Variants in LAMA1 observed in about 807,000 individuals in gnomAD.
The protein encoded by LAMA1 is laminin subunit alpha-1.
LAMA1 carries 219 observed loss-of-function variants against 348.7 expected under a neutral mutation model. That is an observed-to-expected ratio of 0.63 (90% CI 0.56 to 0.70). The LOEUF (loss-of-function observed/expected upper bound fraction) is 0.70. Ranked by LOEUF, LAMA1 falls within the 30% of genes least tolerant of loss-of-function variation. LAMA1 has a pLI of 0.00. For missense variants in LAMA1, 3,744 were observed against 3,888.0 expected, an observed-to-expected ratio of 0.96 and a Z score of 0.99; for synonymous variants, 1,487 against 1,491.0, an observed-to-expected ratio of 1.00 and a Z score of 0.06.
rs2057691445 is a variant in LAMA1 at position 6,978,178 on chromosome 18, G to A, written c.6190+18C>T. ...ATGACGCAGACGATCATGACTGGAA[G>A]GAAGGGCGCTGACATACTGGCCATG... On this transcript the variant is annotated intron_variant, in intron 43 of 62. Coordinates refer to ENST00000389658, the MANE Select transcript of LAMA1 (RefSeq NM_005559.4). The A allele has an allele frequency of 6.2e-7, 1 of 1,614,062 alleles. No homozygotes were observed. The highest frequency in any genetic ancestry group is 1.1e-5 in the South Asian group (1 of 91,090).
Position 6,978,354 on chromosome 18 carries a change from G to C in LAMA1, c.6032C>G (p.Thr2011Ser). Residue 2011 changes from threonine to serine, a missense_variant, in exon 43 of 63, where the codon ACC becomes AGC. Transcript: ENST00000389658. ...PKGIRDKGAKTKELATSASQS... is the reference protein window; with the variant it reads ...PKGIRDKGAKSKELATSASQS... ...GCTTGCAGACGTGGCCAGCTCTTTG[G>C]TTTTGGCTCCCTTGTCTCTTATACC... 2.5e-6 allele frequency: 4 copies of C among 1,613,992 alleles called. No homozygotes were observed. Among genetic ancestry groups the C allele is most frequent in the Non-Finnish European group, 3.4e-6 (4 of 1,180,002 alleles).
intron 1 of LAMA1, among the ~76,000 whole-genome samples, chr18:7,085,488 C>T (rs112640388): frequency 0.044 from 6,481 of 146,864 alleles, 366 homozygotes; most frequent in African/African-American, 0.13. Context: ...GCACGATCTC[C>T]GCTCACTGCA....
At position 7,016,523 on chromosome 18, in the gene LAMA1, C is replaced by G. The variant is rs1395502608; in HGVS notation, c.2957G>C (p.Gly986Ala). ...GCTACCATCCTGGTAGGCGTAGAAGCCATGGGCACACCTGTCACACCTTTT... is the reference window on the plus strand; with the variant it reads ...GCTACCATCCTGGTAGGCGTAGAAGGCATGGGCACACCTGTCACACCTTTT... Reference protein sequence around the residue: ...AGKRCDRCAHGFYAYQDGSCT... With the variant: ...AGKRCDRCAHAFYAYQDGSCT... The change falls in exon 21 of 63, where the codon GGC (glycine) becomes GCC (alanine). Residue 986 changes from glycine (G) to alanine (A), a missense_variant. By Grantham distance (60) the Gly-to-Ala change is moderately conservative (BLOSUM62 0). Around this residue, in one of 3 missense-constraint regions of LAMA1, gnomAD observed 1,529 missense variants for 1,689.4 expected, o/e 0.91. Transcript: ENST00000389658. The G allele has an allele frequency of 1.2e-6, 2 of 1,614,204 alleles. No individual in the cohort carries two copies. The highest frequency in any genetic ancestry group is 2.2e-5 in the South Asian group (2 of 91,082).
intron 23 of LAMA1, among the ~76,000 whole-genome samples, chr18:7,013,128 T>A (rs1250145015): frequency 6.6e-6 from 1 of 151,926 alleles, no homozygotes; most frequent in Non-Finnish European, 1.5e-5. Flanking sequence ...GCCACTGCAC[T>A]CCAGCCTGAG....
rs367809908 is a variant in LAMA1 at position 6,998,676 on chromosome 18, C to T, written c.4663+769G>A. Among the ~76,000 whole-genome samples the T allele has an allele frequency of 5.1e-3, 784 of 152,242 alleles. 5 individuals carry two copies. The highest frequency in any genetic ancestry group is 6.3e-3 in the Non-Finnish European group (427 of 68,020). ...CCCCATTAACCCCTGAGAAGACATC[C>T]CAAGCTGACTATCTCATGCACTTGC... On this transcript the variant is annotated intron_variant, in intron 32 of 62. Coordinates refer to ENST00000389658, the MANE Select transcript of LAMA1 (RefSeq NM_005559.4).
intron 3 of LAMA1, among the ~76,000 whole-genome samples, chr18:7,068,749 G>A (rs142194005): frequency 1.3e-5 from 2 of 150,698 alleles, no homozygotes; most frequent in East Asian, 3.9e-4. Context: ...TGTTTTTAAA[G>A]ATGGAAATAC....
chr18:7,025,831 C>A (rs1457320074), intron 17 of LAMA1, 148 bp downstream of exon 17: 29 of 1,170,654 alleles, frequency 2.5e-5, no homozygotes, highest in Non-Finnish European at 1.2e-6. Context: ...AAATAACCCA[C>A]CCCTCTGTCT....
chr18:7,009,634 A>G (rs760068641), intron 26 of LAMA1, among the ~76,000 whole-genome samples: 2 of 152,210 alleles, frequency 1.3e-5, no homozygotes, highest in Non-Finnish European at 2.9e-5. Context: ...AACACTTCCC[A>G]AATCTGAGCA....
intron 3 of LAMA1, chr18:7,076,879 C>T (rs2143775299): frequency 6.6e-6 from 1 of 152,210 alleles, no homozygotes; most frequent in Middle Eastern, 3.4e-3. Flanking sequence ...CGAACATGGT[C>T]CAGTGTTTTA....
chr18:7,053,848 A>C (rs980212589), intron 3 of LAMA1, among the ~76,000 whole-genome samples: 1 of 149,618 alleles, frequency 6.7e-6, no homozygotes, highest in Non-Finnish European at 1.5e-5. Context: ...CAATGGCACG[A>C]TATCAGCTCA....
rs115063723 is a variant in LAMA1 at position 6,996,175 on chromosome 18, T to G, written c.4807-729A>C. On this transcript the variant is annotated intron_variant, in intron 33 of 62. Transcript: ENST00000389658. ...AAGCTCTCATTTTTCAAAAACACTT[T>G]GTGACGTTTGAGGAAAGTATAACAT... 6.5e-3 allele frequency among the ~76,000 whole-genome samples: 989 copies of G among 152,314 alleles called. 10 individuals are homozygous for G. The highest frequency in any genetic ancestry group is 0.021 in the African/African-American group (863 of 41,576).
chr18:7,053,706 G>A (rs1004802240), intron 3 of LAMA1, among the ~76,000 whole-genome samples: 1 of 151,780 alleles, frequency 6.6e-6, no homozygotes, highest in Admixed American at 6.6e-5. Context: ...CCTTCTGCAA[G>A]TACTTCCAGT....
chr18:6,947,352 G>C lies in LAMA1; in HGVS notation c.8711-56C>G, dbSNP rs1488475909. On this transcript the variant is annotated intron_variant, in intron 60 of 62. Coordinates refer to ENST00000389658, the MANE Select transcript of LAMA1 (RefSeq NM_005559.4). The stretch of plus-strand genomic sequence containing the variant: ...GTGAGCGCTGCCAGGCCCAGGTTGA[G>C]CATTTGGCCTCCTGGCTAGGGGTTG... 48 of 1,610,438 alleles carry C rather than the reference G, an allele frequency of 3.0e-5. 1 individual carries two copies. Among genetic ancestry groups the C allele is most frequent in the Non-Finnish European group, 3.7e-5 (44 of 1,178,886 alleles).
At chr18:6,998,762 G>T (rs1323108600) in intron 32 of LAMA1, among the ~76,000 whole-genome samples, 2 of 152,204 alleles carry the variant, frequency 1.3e-5, no homozygotes, top group Non-Finnish European at 2.9e-5. Context: ...GCCGGGCATG[G>T]TGGTTCATGC....
At chr18:7,073,088 C>G (rs998463213) in intron 3 of LAMA1, among the ~76,000 whole-genome samples, 2 of 152,130 alleles carry the variant, frequency 1.3e-5, no homozygotes, top group African/African-American at 4.8e-5. Flanking sequence ...ACTACTACCC[C>G]CAAGTTACCT....
At chr18:6,999,781 C>T (rs1203755321) in intron 31 of LAMA1, 130 bp downstream of exon 31, 2 of 1,160,706 alleles carry the variant, frequency 1.7e-6, no homozygotes, top group African/African-American at 1.5e-5. Flanking sequence ...GTAATGAGGT[C>T]TTATTTCAAT....
intron 11 of LAMA1, chr18:7,038,557 T>C (rs541956853): frequency 2.1e-4 from 115 of 545,700 alleles, no homozygotes; most frequent in African/African-American, 1.5e-3. Flanking sequence ...ACAGAAGAAA[T>C]TGAAACAAGA....
At chr18:7,081,984 A>C (rs545157317) in intron 1 of LAMA1, among the ~76,000 whole-genome samples, 1 of 152,348 alleles carries the variant, frequency 6.6e-6, no homozygotes, top group East Asian at 1.9e-4. Context: ...GGCACTGCCT[A>C]ATACGTTCAA....
chr18:7,018,329 T>A (rs112007922), intron 19 of LAMA1, among the ~76,000 whole-genome samples: 1 of 82,816 alleles, frequency 1.2e-5, no homozygotes, highest in African/African-American at 5.0e-5. Context: ...AGTGTGAAAC[T>A]CCATCTCAAA....
Sources: gnomAD v4.1 joint callset for allele counts (sites outside exome capture counted in the v4.1 genomes callset) on GRCh38, gnomAD v4.1.1 for gene constraint, gnomAD v4.1.1 regional missense constraint, MANE v1.5 for transcripts, NCBI Gene and HGNC (gene_info 2026-07-23, HGNC 2026-07-21) for gene names.